Variants in RAB11FIP2 observed in about 807,000 individuals in gnomAD.
RAB11FIP2 encodes the protein rab11 family-interacting protein 2.
In RAB11FIP2, 16 loss-of-function variants were observed where a neutral mutation model predicts 40.9. That is an observed-to-expected ratio of 0.39 (90% CI 0.26 to 0.59). The LOEUF is 0.59. RAB11FIP2 is among the 20% of genes least tolerant of loss of function. The pLI, the probability that RAB11FIP2 is intolerant of heterozygous loss-of-function variation, is 0.53. For missense variants in RAB11FIP2, 532 were observed against 606.2 expected, an observed-to-expected ratio of 0.88 and a Z score of 1.28; for synonymous variants, 228 against 213.7, an observed-to-expected ratio of 1.07 and a Z score of -0.58.
Position 118,045,897 on chromosome 10 carries a change from C to T in RAB11FIP2, c.267G>A (p.Arg89=), listed in dbSNP as rs1344811672. The T allele has an allele frequency of 6.2e-7, 1 of 1,614,192 alleles. No homozygotes were observed. The highest frequency in any genetic ancestry group is 8.5e-7 in the Non-Finnish European group (1 of 1,180,022). Residue 89 remains arginine, a synonymous_variant, in exon 1 of 5, where the codon AGG becomes AGA. Coordinates refer to ENST00000355624, the MANE Select transcript of RAB11FIP2 (RefSeq NM_014904.3). The part of the protein sequence containing the change: ...KYILFLIVMH[R]SLVGLDKFLG... ...AAAATTTATCCAGACCCACCAGGGA[C>T]CTGTGCATAACTATAAGGAAAAGAA...
At chr10:118,018,967 T>A (rs1297014011) in intron 3 of RAB11FIP2, among the ~76,000 whole-genome samples, 1 of 151,554 alleles carries the variant, frequency 6.6e-6, no homozygotes, top group East Asian at 1.9e-4. Context: ...GGAACAAGAA[T>A]ACCTAAGGAG....
intron 3 of RAB11FIP2, chr10:118,018,086 CTGAG>C: frequency 6.6e-6 from 1 of 152,354 alleles, no homozygotes; most frequent in African/African-American, 2.4e-5. Flanking sequence ...CAGTGCAGAT[CTGAG>C]TGAGAGGCTC....
intron 3 of RAB11FIP2, among the ~76,000 whole-genome samples, chr10:118,024,083 C>T (rs938567582): frequency 7.2e-6 from 1 of 139,744 alleles, no homozygotes; most frequent in African/African-American, 2.6e-5. Context: ...GAGTGAGACT[C>T]TGTCTTAAAA....
At chr10:118,039,766 T>C (rs1846530482) in intron 2 of RAB11FIP2, 1 of 352,314 alleles carries the variant, frequency 2.8e-6, no homozygotes, top group Admixed American at 4.3e-5. Flanking sequence ...TTAAATTTAC[T>C]TTCTTACTTC....
At chr10:118,033,790 C>A (rs1228993429) in intron 3 of RAB11FIP2, among the ~76,000 whole-genome samples, 4 of 152,218 alleles carry the variant, frequency 2.6e-5, no homozygotes, top group African/African-American at 9.6e-5. Flanking sequence ...CTTTCTTAAA[C>A]ACAACGAAAG....
intron 4 of RAB11FIP2, among the ~76,000 whole-genome samples, chr10:118,009,883 T>C (rs1234710985): frequency 1.3e-5 from 2 of 152,112 alleles, no homozygotes; most frequent in African/African-American, 4.8e-5. Context: ...TTCTTTCCCT[T>C]TTTGACCCTG....
intron 4 of RAB11FIP2, 36 bp downstream of exon 4, chr10:118,015,029 C>G: frequency 1.3e-6 from 2 of 1,553,022 alleles, no homozygotes; most frequent in Admixed American, 3.7e-5. Flanking sequence ...GACCAGCTTA[C>G]TCTTTGACAA....
rs759224296 is a variant in RAB11FIP2 at position 118,039,041 on chromosome 10, T to C, written c.1196A>G (p.Tyr399Cys). 3.2e-5 allele frequency: 52 copies of C among 1,612,546 alleles called. No individual in the cohort carries two copies. The highest frequency in any genetic ancestry group is 2.5e-4 in the South Asian group (23 of 90,586). ...PNAFSENRQD[Y>C]FDYESTNPFT... ...TGGATTGGTTGACTCATAATCAAAA[T>C]AGTCCTGGCGATTTTCACTAAATGC... The change falls in exon 3 of 5, where the codon TAT becomes TGT. Residue 399 changes from tyrosine to cysteine, a missense_variant. Physicochemically the swap from Tyr to Cys is radical, Grantham distance 194 (BLOSUM62 -2). Transcript: ENST00000355624.
rs1846121297 is a variant in RAB11FIP2 at position 118,008,551 on chromosome 10, TAA to T, written c.*445_*446del. ...CATGTACATATGTGTATATAAAATATAAACTGTTTTTTTAGTAGTGTTTATAA... is the reference window on the plus strand; with the variant it reads ...CATGTACATATGTGTATATAAAATATACTGTTTTTTTAGTAGTGTTTATAA... On this transcript the variant is annotated 3_prime_UTR_variant, in exon 5 of 5. Coordinates refer to ENST00000355624, the MANE Select transcript of RAB11FIP2 (RefSeq NM_014904.3). 5.7e-6 allele frequency: 1 copy of T among 174,592 alleles called. No individual in the cohort carries two copies. The highest frequency in any genetic ancestry group is 2.4e-5 in the African/African-American group (1 of 41,768). The allele number at this position is 174,592 out of a possible 1,614,324, so 10.8% of individuals were successfully genotyped here.
At chr10:118,037,206 T>C (rs1280217947) in intron 3 of RAB11FIP2, among the ~76,000 whole-genome samples, 1 of 152,118 alleles carries the variant, frequency 6.6e-6, no homozygotes, top group Non-Finnish European at 1.5e-5. Flanking sequence ...CAAAATATTT[T>C]TGAATGGCAT....
In RAB11FIP2 at chr10:118,006,163, T is replaced by G. The variant is rs571655144; in HGVS notation, c.*2835A>C. The G allele has an allele frequency of 1.8e-4, 27 of 152,746 alleles. No individual in the cohort carries two copies. Among genetic ancestry groups the G allele is most frequent in the African/African-American group, 6.3e-4 (26 of 41,578 alleles). 9.5% of individuals were successfully genotyped at this position (152,746 alleles called of 1,614,324 possible). A position where few individuals can be genotyped will look rare whatever the true frequency, so the allele number is the denominator to read the frequency against. On this transcript the variant is annotated 3_prime_UTR_variant, in exon 5 of 5. Transcript: ENST00000355624. Reference sequence around the variant, plus strand: ...ACCCTGGTATTCAATAAATGAAACTTGAAGCGTAAGTGGTAGGAAGGTATG... The same window carrying G: ...ACCCTGGTATTCAATAAATGAAACTGGAAGCGTAAGTGGTAGGAAGGTATG...
chr10:118,034,043 T>C, intron 3 of RAB11FIP2: 1 of 701,702 alleles, frequency 1.4e-6, no homozygotes, highest in Non-Finnish European at 2.6e-6. Context: ...AAAGTATTTC[T>C]GTAAAGCCCA....
At chr10:118,027,144 A>G (rs928468749) in intron 3 of RAB11FIP2, among the ~76,000 whole-genome samples, 3 of 152,216 alleles carry the variant, frequency 2.0e-5, no homozygotes, top group African/African-American at 7.2e-5. Flanking sequence ...CACTACCCTC[A>G]GCACTTTTTG....
chr10:118,042,161 G>C (rs1398370545), intron 1 of RAB11FIP2, among the ~76,000 whole-genome samples: 1 of 152,042 alleles, frequency 6.6e-6, no homozygotes, highest in Non-Finnish European at 1.5e-5. Context: ...AGTACCTCAG[G>C]CTTTATAGAA....
chr10:118,033,977 C>T (rs1344778908), intron 3 of RAB11FIP2: 4 of 701,952 alleles, frequency 5.7e-6, no homozygotes, highest in Non-Finnish European at 1.0e-5. Flanking sequence ...GCTGCTCCTA[C>T]TTACAGCTCT....
intron 3 of RAB11FIP2, among the ~76,000 whole-genome samples, chr10:118,035,612 T>C (rs1297685317): frequency 1.3e-5 from 2 of 152,094 alleles, no homozygotes; most frequent in African/African-American, 4.8e-5. Context: ...TGTGCGTTTA[T>C]TCAAAATATC....
At position 118,039,150 on chromosome 10, in the gene RAB11FIP2, C is replaced by T; in HGVS notation, c.1087G>A (p.Val363Met). The change falls in exon 3 of 5, where the codon GTG (valine) becomes ATG (methionine). Residue 363 changes from valine (V) to methionine (M), a missense_variant. Transcript: ENST00000355624. ...CTTCTGCTATCTTTTTTTCCAGTCA[C>T]TCTTTCAAACAGGCTAACTTTCTCC... The part of the protein sequence containing the change: ...KREKVSLFER[V>M]TGKKDSRRSD... The T allele has an allele frequency of 6.2e-7, 1 of 1,613,658 alleles. No individual in the cohort carries two copies. The highest frequency in any genetic ancestry group is 2.2e-5 in the East Asian group (1 of 44,864).
At chr10:118,022,857 G>A (rs899510471) in intron 3 of RAB11FIP2, among the ~76,000 whole-genome samples, 2 of 151,984 alleles carry the variant, frequency 1.3e-5, no homozygotes, top group African/African-American at 4.8e-5. Context: ...TAAAAACCGG[G>A]GTGAGTTGAC....
chr10:118,045,748 G>C lies in RAB11FIP2; in HGVS notation c.353+63C>G, dbSNP rs1273431155. On this transcript the variant is annotated intron_variant, in intron 1 of 4. Coordinates refer to ENST00000355624, the MANE Select transcript of RAB11FIP2 (RefSeq NM_014904.3). The stretch of plus-strand genomic sequence containing the variant: ...CCCGAAGTATACGGATAATTTCCAA[G>C]AACAGAAAAACCATAAATAAGATAT... The C allele has an allele frequency of 3.0e-6, 4 of 1,345,294 alleles. No individual in the cohort carries two copies. The East Asian group carries it at 9.7e-5, about 33-fold the overall frequency. 83.3% of individuals were successfully genotyped at this position (1,345,294 alleles called of 1,614,324 possible). A position where few individuals can be genotyped will look rare whatever the true frequency, so the allele number is the denominator to read the frequency against.
Sources: allele counts gnomAD v4.1 joint callset (sites outside exome capture counted in the v4.1 genomes callset), GRCh38; gene constraint gnomAD v4.1.1; transcripts MANE v1.5; gene names NCBI Gene and HGNC (gene_info 2026-07-23, HGNC 2026-07-21).